The following GABRG3 variants were observed in gnomAD, a reference collection of about 807,000 sequenced individuals.
GABRG3 encodes gamma-aminobutyric acid type A receptor subunit gamma3, also known as gamma-aminobutyric acid receptor subunit gamma-3.
In GABRG3, 25 loss-of-function variants were observed where a neutral mutation model predicts 48.8. The ratio of observed to expected loss-of-function variants is 0.51; its 90% CI spans 0.37 to 0.72. The LOEUF is 0.72. Among genes scored for constraint, GABRG3 ranks in the 30% least tolerant of loss-of-function variants. GABRG3 has a pLI of 0.00. For synonymous variants in GABRG3, 227 were observed against 217.6 expected (o/e 1.04, Z -0.38); for missense variants, 394 against 577.9 (o/e 0.68, Z 3.26).
chr15:27,527,621 A>C lies in GABRG3; in HGVS notation c.1054A>C (p.Thr352Pro). Residue 352 changes from threonine to proline, a missense_variant, in exon 8 of 10, where the codon ACA (threonine) becomes CCA (proline). This residue lies in a region of GABRG3 where 126 missense variants were observed against 155.5 expected (regional missense o/e 0.81). Transcript: ENST00000615808. ...TAGAAAACCAACCACCACGAAGAAG[A>C]CAACATCGGTGAGCTGCAGTAGCAA... ...SCRKPTTTKKTTSLLHPDSSR... is the reference protein window; with the variant it reads ...SCRKPTTTKKPTSLLHPDSSR... 6.2e-7 allele frequency: 1 copy of C among 1,605,858 alleles called. No individual in the cohort carries two copies. The highest frequency in any genetic ancestry group is 1.1e-5 in the South Asian group (1 of 88,258).
chr15:27,349,607 G>C (rs938424062), intron 5 of GABRG3, among the ~76,000 whole-genome samples: 6 of 152,198 alleles, frequency 3.9e-5, no homozygotes, highest in Admixed American at 6.5e-5. Flanking sequence ...CTTCCAGCAA[G>C]AGAACATGCT....
At chr15:27,027,383 C>G (rs1221784988) in intron 3 of GABRG3, among the ~76,000 whole-genome samples, 2 of 152,228 alleles carry the variant, frequency 1.3e-5, no homozygotes, top group Non-Finnish European at 2.9e-5. Context: ...TACCTAGGAT[C>G]CCCAAGCAGG....
chr15:27,068,860 C>T (rs1166955449), intron 3 of GABRG3, among the ~76,000 whole-genome samples: 2 of 152,132 alleles, frequency 1.3e-5, no homozygotes, highest in Non-Finnish European at 2.9e-5. Context: ...AATCAGTGCT[C>T]CATAATCTCT....
intron 5 of GABRG3, among the ~76,000 whole-genome samples, chr15:27,444,545 A>G (rs1888884979): frequency 6.6e-6 from 1 of 152,166 alleles, no homozygotes; most frequent in African/African-American, 2.4e-5. Flanking sequence ...TCTTGAAAAT[A>G]GTATATTGTT....
intron 5 of GABRG3, chr15:27,363,046 C>A (rs1254919750): frequency 6.6e-6 from 1 of 152,122 alleles, no homozygotes; most frequent in South Asian, 2.1e-4. Context: ...GAAACTGGTA[C>A]ATAATTCATT....
At chr15:27,359,075 G>GAAA (rs1894938319) in intron 5 of GABRG3, among the ~76,000 whole-genome samples, 2 of 152,344 alleles carry the variant, frequency 1.3e-5, no homozygotes, top group South Asian at 4.1e-4. Context: ...TGGGGGTGAA[G>GAAA]CTGCAGAGGG....
Position 27,513,439 on chromosome 15 carries a change from G to T in GABRG3, c.713-6533G>T, listed in dbSNP as rs542578036. Among the ~76,000 whole-genome samples, 6 of 149,402 alleles carry T rather than the reference G, an allele frequency of 4.0e-5. No individual in the cohort carries two copies. In the South Asian group the frequency reaches 1.3e-3, roughly 31 times the overall value. On this transcript the variant is annotated intron_variant, in intron 6 of 9. Coordinates refer to ENST00000615808, the MANE Select transcript of GABRG3 (RefSeq NM_033223.5). ...CACTCCAGCCTGGGAGACAGAGTAAGACTCCGTCTCAAAAAAAAAGAAAAA... is the reference window on the plus strand; with the variant it reads ...CACTCCAGCCTGGGAGACAGAGTAATACTCCGTCTCAAAAAAAAAGAAAAA...
chr15:27,067,309 C>T (rs973874780), intron 3 of GABRG3, among the ~76,000 whole-genome samples: 5 of 152,174 alleles, frequency 3.3e-5, no homozygotes, highest in Admixed American at 6.5e-5. Flanking sequence ...ACGCAGCTGG[C>T]GGGGCAGGGC....
chr15:27,131,433 T>C (rs1328123204), intron 3 of GABRG3, among the ~76,000 whole-genome samples: 1 of 152,098 alleles, frequency 6.6e-6, no homozygotes, highest in East Asian at 1.9e-4. Context: ...TCAATTCTGT[T>C]TGATAGCATT....
chr15:27,321,113 G>C (rs1893410189), intron 3 of GABRG3, among the ~76,000 whole-genome samples: 1 of 152,206 alleles, frequency 6.6e-6, no homozygotes, highest in Non-Finnish European at 1.5e-5. Context: ...CTGGTGGTCT[G>C]GGGACCAGAT....
At position 27,306,618 on chromosome 15, in the gene GABRG3, TATATA is replaced by T. The variant is rs1379609565; in HGVS notation, c.271-20184_271-20180del. Among the ~76,000 whole-genome samples, 145 of 121,752 alleles carry T rather than the reference TATATA, an allele frequency of 1.2e-3. 5 individuals are homozygous for T. The highest frequency in any genetic ancestry group is 0.012 in the Middle Eastern group (1 of 86). The allele number at this position is 121,752 out of a possible 152,430, so 79.9% of individuals were successfully genotyped here. ...ATAAACATATGTTTATATATAAACA[TATATA>T]ATATAAACATATATTTATATATAAA... On this transcript the variant is annotated intron_variant, in intron 3 of 9. Transcript: ENST00000615808.
rs962552104 is a variant in GABRG3 at position 27,137,591 on chromosome 15, A to G, written c.270+110770A>G. Among the ~76,000 whole-genome samples, 53 of 152,192 alleles carry G rather than the reference A, an allele frequency of 3.5e-4. 1 individual carries two copies. Among genetic ancestry groups the G allele is most frequent in the African/African-American group, 1.2e-3 (49 of 41,438 alleles). On this transcript the variant is annotated intron_variant, in intron 3 of 9. Transcript: ENST00000615808. Reference sequence around the variant, plus strand: ...ACCCTGCATACATACTCTCTGGACAATGAAGCCTAATGTATAACATGCATT... The same window carrying G: ...ACCCTGCATACATACTCTCTGGACAGTGAAGCCTAATGTATAACATGCATT...
At chr15:27,078,009 C>T (rs1896937073) in intron 3 of GABRG3, among the ~76,000 whole-genome samples, 1 of 152,170 alleles carries the variant, frequency 6.6e-6, no homozygotes, top group Admixed American at 6.5e-5. Context: ...TTCTCTGGCG[C>T]CCTCTGTGAT....
At chr15:27,260,501 C>T (rs76983081) in intron 3 of GABRG3, among the ~76,000 whole-genome samples, 2,962 of 152,174 alleles carry the variant, frequency 0.019, 95 homozygotes, top group African/African-American at 0.068. Context: ...TCTTTATCTG[C>T]GAGTTCTGCA....
intron 5 of GABRG3, among the ~76,000 whole-genome samples, chr15:27,386,098 G>T (rs1338798639): frequency 6.6e-6 from 1 of 152,066 alleles, no homozygotes. Context: ...CATAGGTATG[G>T]CCTCTGATGT....
intron 6 of GABRG3, among the ~76,000 whole-genome samples, chr15:27,501,356 C>A (rs1053613778): frequency 6.6e-6 from 1 of 152,170 alleles, no homozygotes; most frequent in South Asian, 2.1e-4. Context: ...CCAGAACAGA[C>A]TCTTTTCTAA....
intron 3 of GABRG3, among the ~76,000 whole-genome samples, chr15:27,264,471 T>A (rs1026388661): frequency 2.6e-5 from 4 of 151,810 alleles, no homozygotes; most frequent in Non-Finnish European, 4.4e-5. Flanking sequence ...AAACATCAGT[T>A]CCTCAAAACC....
intron 3 of GABRG3, among the ~76,000 whole-genome samples, chr15:27,085,373 GTGTCTTCAGCT>G (rs1897058978): frequency 6.6e-6 from 1 of 152,156 alleles, no homozygotes; most frequent in Non-Finnish European, 1.5e-5. Flanking sequence ...GCTATTGATG[GTGTCTTCAGCT>G]TTTCTCCAAA....
chr15:27,308,957 A>G (rs551563862), intron 3 of GABRG3, among the ~76,000 whole-genome samples: 1 of 150,802 alleles, frequency 6.6e-6, no homozygotes, highest in Non-Finnish European at 1.5e-5. Flanking sequence ...ACATGTTTAT[A>G]TGAAAACACA....
Sources: gnomAD v4.1 joint callset for allele counts (sites outside exome capture counted in the v4.1 genomes callset) on GRCh38, gnomAD v4.1.1 for gene constraint, gnomAD v4.1.1 regional missense constraint, MANE v1.5 for transcripts, NCBI Gene and HGNC (gene_info 2026-07-23, HGNC 2026-07-21) for gene names.